POLD2: variants seen among roughly 807,000 people sequenced by gnomAD.
The protein encoded by POLD2 is DNA polymerase delta 2, accessory subunit.
Under a neutral mutation model 48.8 loss-of-function variants are expected in POLD2, and 31 were observed. The ratio of observed to expected loss-of-function variants is 0.64; its 90% CI spans 0.48 to 0.86. The LOEUF (loss-of-function observed/expected upper bound fraction) is 0.86, where lower values mean the gene tolerates loss of function less well. Ranked by LOEUF, POLD2 falls within the 40% of genes least tolerant of loss-of-function variation. The pLI, the probability that POLD2 is intolerant of heterozygous loss-of-function variation, is 0.00. For missense variants in POLD2, 455 were observed against 610.1 expected (o/e 0.75, Z 2.68); for synonymous variants, 233 against 256.3 (o/e 0.91, Z 0.87).
At chr7:44,115,429 C>G in intron 9 of POLD2, 33 bp from the exon 10 acceptor site, 2 of 1,349,062 alleles carry the variant, frequency 1.5e-6, no homozygotes, top group Non-Finnish European at 2.1e-6. Flanking sequence ...GAGGAGGGTT[C>G]CGCCTCAGCA....
chr7:44,122,152 C>G, intron 1 of POLD2, 43 bp from the exon 2 acceptor site: 3 of 1,502,736 alleles, frequency 2.0e-6, no homozygotes, highest in Non-Finnish European at 2.7e-6. Context: ...TGTCCATCCC[C>G]CAAAGCAGCA....
In POLD2 at chr7:44,121,491, T is replaced by G. The variant is rs371954606; in HGVS notation, c.220+343A>C. 6.1e-4 allele frequency among the ~76,000 whole-genome samples: 93 copies of G among 152,250 alleles called. 1 individual carries two copies. The South Asian group carries it at 0.019, about 31-fold the overall frequency. ...GGCTCCTGGTGCCTGGCGCCAGGCT[T>G]GCCACACTGAGGGGCTCTCTGGCTA... On this transcript the variant is annotated intron_variant, in intron 2 of 10. Coordinates refer to ENST00000610533, the MANE Select transcript of POLD2 (RefSeq NM_006230.4). This position sits in a 1 kb window ranked among gnomAD's most constrained non-coding sequence, Gnocchi z 4.5.
At chr7:44,123,805 G>A (rs978394117), upstream of POLD2, 3 of 987,814 alleles carry the variant, frequency 3.0e-6, no homozygotes, top group African/African-American at 5.2e-5. Context: ...GGGCTGACGG[G>A]GGGTGTCGGC....
rs766083270 is a variant in POLD2, at chr7:44,115,820, G to A, written c.1093C>T (p.Leu365=). 6.2e-7 allele frequency: 1 copy of A among 1,614,150 alleles called. No individual in the cohort carries two copies. Among genetic ancestry groups the A allele is most frequent in the Non-Finnish European group, 8.5e-7 (1 of 1,180,008 alleles). The part of the protein sequence containing the change: ...YSSMEDHLEI[L]EWTLRVRHIS... ...TGACGGACCCGCAGGGTCCACTCCA[G>A]GATCTCCAAGTGATCCTCCATGCTG... Residue 365 remains leucine (L), a synonymous_variant, in exon 9 of 11, where the codon CTG becomes TTG. Transcript: ENST00000610533.
chr7:44,117,528 T>C (rs2096242057), intron 4 of POLD2, 91 bp downstream of exon 4: 4 of 1,204,902 alleles, frequency 3.3e-6, no homozygotes, highest in Non-Finnish European at 3.5e-6. Context: ...ACCCCCCCAC[T>C]CCCCCCAGGC....
In POLD2 at chr7:44,116,987, G is replaced by A; in HGVS notation, c.610C>T (p.Leu204=). 1 of 1,613,582 alleles carries A rather than the reference G, an allele frequency of 6.2e-7. No homozygotes were observed. Among genetic ancestry groups the A allele is most frequent in the South Asian group, 1.1e-5 (1 of 91,056 alleles). The change falls in exon 6 of 11, where the codon CTG becomes TTG. Residue 204 remains leucine (L), a synonymous_variant. Transcript: ENST00000610533. The surrounding 1 kb of genome is among the most constrained non-coding windows in gnomAD (Gnocchi z 6.1). The part of the protein sequence containing the change: ...RFVLLVSGLG[L]GGGGGESLLG... ...AGGCTCTCGCCTCCACCGCCACCCA[G>A]GCCCAGGCCGGACACCAGTAGCACA...
At position 44,122,441 on chromosome 7, in the gene POLD2, C is replaced by T. The variant is rs895324078; in HGVS notation, c.-56-332G>A. The T allele has an allele frequency of 3.8e-6, 4 of 1,065,592 alleles. No homozygotes were observed. In the African/African-American group the frequency reaches 6.7e-5, roughly 18 times the overall value. 66.0% of individuals were successfully genotyped at this position (1,065,592 alleles called of 1,614,324 possible). The stretch of plus-strand genomic sequence containing the variant: ...CCCAAATGGAATTCCCGATCTGCCT[C>T]CATCCAGCTCTCCGGCACCTGTCTC... On this transcript the variant is annotated intron_variant, in intron 1 of 10. Transcript: ENST00000610533.
upstream of POLD2, chr7:44,123,760 C>A: frequency 7.7e-7 from 1 of 1,306,986 alleles, no homozygotes; most frequent in Non-Finnish European, 9.8e-7. Flanking sequence ...GCCGGCGCCG[C>A]GGGTCTTTGG....
intron 9 of POLD2, 145 bp downstream of exon 9, chr7:44,115,621 A>G (rs2096237624): frequency 2.2e-6 from 2 of 929,736 alleles, no homozygotes; most frequent in Non-Finnish European, 3.2e-6. Context: ...TAGCTTCCAG[A>G]GCAGGTGCCA....
chr7:44,122,604 C>T, intron 1 of POLD2: 1 of 304,476 alleles, frequency 3.3e-6, no homozygotes, highest in Non-Finnish European at 4.8e-6. Flanking sequence ...AAAGTGTCCT[C>T]ATTTCATTGA....
Position 44,116,897 on chromosome 7 carries a change from T to C in POLD2, c.700A>G (p.Ser234Gly). The change falls in exon 6 of 11, where the codon AGC (serine) becomes GGC (glycine). Residue 234 changes from serine (S) to glycine (G), a missense_variant. By Grantham distance (56) the Ser-to-Gly change is moderately conservative. Coordinates refer to ENST00000610533, the MANE Select transcript of POLD2 (RefSeq NM_006230.4). The surrounding 1 kb of genome is among the most constrained non-coding windows in gnomAD (Gnocchi z 6.1). Reference protein sequence around the residue: ...GQLGDEGEQCSAAHVSRVILA... With the variant: ...GQLGDEGEQCGAAHVSRVILA... ...ATAACCCGGGAGACGTGGGCGGCGC[T>C]GCACTGCTCCCCTTCGTCCCCAAGC... is the stretch of plus-strand genomic sequence containing the variant. 6.2e-7 allele frequency: 1 copy of C among 1,613,978 alleles called. No homozygotes were observed. The highest frequency in any genetic ancestry group is 8.5e-7 in the Non-Finnish European group (1 of 1,180,010).
In POLD2 at chr7:44,121,270, G is replaced by A. The variant is rs1340288091; in HGVS notation, c.220+564C>T. Among the ~76,000 whole-genome samples the A allele has an allele frequency of 6.6e-6, 1 of 152,124 alleles. No individual in the cohort carries two copies. The highest frequency in any genetic ancestry group is 1.5e-5 in the Non-Finnish European group (1 of 68,018). Reference sequence around the variant, plus strand: ...ACCACCAAGAGTAATCCAACTGCAGGAGAGATCACCAGGGAAGAAATGGGG... The same window carrying A: ...ACCACCAAGAGTAATCCAACTGCAGAAGAGATCACCAGGGAAGAAATGGGG... On this transcript the variant is annotated intron_variant, in intron 2 of 10. Coordinates refer to ENST00000610533, the MANE Select transcript of POLD2 (RefSeq NM_006230.4). The surrounding 1 kb of genome is among the most constrained non-coding windows in gnomAD (Gnocchi z 4.5).
intron 2 of POLD2, among the ~76,000 whole-genome samples, chr7:44,119,531 G>T (rs2096245451): frequency 6.6e-6 from 1 of 152,168 alleles, no homozygotes; most frequent in Non-Finnish European, 1.5e-5. Flanking sequence ...TCTCCCCCAG[G>T]TGGCCTAAGC....
Position 44,115,705 on chromosome 7 carries a change from T to G in POLD2, c.1147+61A>C, listed in dbSNP as rs1418063212. 3.2e-6 allele frequency: 5 copies of G among 1,579,994 alleles called. No individual in the cohort carries two copies. In the African/African-American group the frequency reaches 6.8e-5, roughly 21 times the overall value. ...AAACCCACAGGGGGACCCTGTGCACTTCAGGGTCCTGCCAGGCCTCCTGGC... is the reference window on the plus strand; with the variant it reads ...AAACCCACAGGGGGACCCTGTGCACGTCAGGGTCCTGCCAGGCCTCCTGGC... On this transcript the variant is annotated intron_variant, in intron 9 of 10. Transcript: ENST00000610533.
In POLD2 at chr7:44,123,262, T is replaced by C; in HGVS notation, c.-57+249A>G. On this transcript the variant is annotated intron_variant, in intron 1 of 10. Transcript: ENST00000610533. ...CTGGGACACAGGCTCCGCACACGTG[T>C]CTAACGAGTGACTCGTTAGGAGCTT... is the stretch of plus-strand genomic sequence containing the variant. 7 of 1,356,460 alleles carry C rather than the reference T, an allele frequency of 5.2e-6. No homozygotes were observed. In the South Asian group the frequency reaches 1.1e-4, roughly 21 times the overall value. The allele number at this position is 1,356,460 out of a possible 1,614,324, so 84.0% of individuals were successfully genotyped here.
At chr7:44,117,292 T>C in intron 4 of POLD2, 45 bp from the exon 5 acceptor site, 1 of 1,398,830 alleles carries the variant, frequency 7.1e-7, no homozygotes, top group South Asian at 1.2e-5. Flanking sequence ...CCCCAGGTGC[T>C]ACCACTCCTT....
At chr7:44,119,012 C>T (rs1474681298) in intron 2 of POLD2, among the ~76,000 whole-genome samples, 1 of 117,428 alleles carries the variant, frequency 8.5e-6, no homozygotes, top group East Asian at 2.7e-4. Context: ...TTCCACCCTA[C>T]CCCCCACCCC....
chr7:44,117,468 C>T (rs531144360), intron 4 of POLD2, 151 bp downstream of exon 4: 14 of 996,464 alleles, frequency 1.4e-5, no homozygotes, highest in Admixed American at 1.4e-4. Flanking sequence ...GGCCTCCGAC[C>T]GCCTGGAGCC....
intron 1 of POLD2, 180 bp from the exon 2 acceptor site, chr7:44,122,289 C>A: frequency 2.1e-6 from 3 of 1,401,408 alleles, no homozygotes; most frequent in Non-Finnish European, 2.8e-6. Context: ...CACCCTGTAG[C>A]GGTCATCCAA....
Sources: allele counts gnomAD v4.1 joint callset (sites outside exome capture counted in the v4.1 genomes callset), GRCh38; gene constraint gnomAD v4.1.1; non-coding constraint Gnocchi (gnomAD v3.1); transcripts MANE v1.5; gene names NCBI Gene and HGNC (gene_info 2026-07-23, HGNC 2026-07-21).